Variants in EGF observed in about 807,000 individuals in gnomAD.
EGF encodes the protein epidermal growth factor.
In EGF, 95 loss-of-function variants were observed where a neutral mutation model predicts 143.8. The observed-to-expected ratio is 0.66, with a 90% CI of 0.56 to 0.78. The LOEUF (loss-of-function observed/expected upper bound fraction) is 0.78. EGF is among the 30% of genes least tolerant of loss of function. The pLI is 0.00. For missense variants in EGF, 1,320 were observed against 1,470.9 expected (o/e 0.90, Z 1.68); for synonymous variants, 510 against 510.5 (o/e 1.00, Z 0.01).
At chr4:109,941,443 T>G (rs1226349382) in intron 2 of EGF, among the ~76,000 whole-genome samples, 1 of 152,210 alleles carries the variant, frequency 6.6e-6, no homozygotes, top group East Asian at 1.9e-4. Flanking sequence ...GCATGATTAT[T>G]TCTTGCTATT....
At chr4:109,949,573 A>G (rs1226417236) in intron 5 of EGF, among the ~76,000 whole-genome samples, 2 of 151,364 alleles carry the variant, frequency 1.3e-5, no homozygotes, top group Admixed American at 1.3e-4. Context: ...TTTCCTATGC[A>G]GCAGCCCACA....
chr4:109,982,971 A>G (rs995915801), intron 15 of EGF, among the ~76,000 whole-genome samples: 4 of 152,144 alleles, frequency 2.6e-5, no homozygotes, highest in African/African-American at 7.2e-5. Flanking sequence ...ATGACTTTTT[A>G]ATGTCCTTTC....
chr4:109,987,374 T>C (rs961552390), intron 16 of EGF, among the ~76,000 whole-genome samples: 5 of 151,918 alleles, frequency 3.3e-5, no homozygotes, highest in African/African-American at 1.2e-4. Flanking sequence ...CACCATCTTG[T>C]CTCACGGCCG....
chr4:109,913,291 C>A lies in EGF; in HGVS notation c.-45C>A. 6.2e-7 allele frequency: 1 copy of A among 1,610,728 alleles called. No individual in the cohort carries two copies. Among genetic ancestry groups the A allele is most frequent in the African/African-American group, 1.3e-5 (1 of 74,944 alleles). On this transcript the variant is annotated 5_prime_UTR_variant, in exon 1 of 24. Coordinates refer to ENST00000265171, the MANE Select transcript of EGF (RefSeq NM_001963.6). ...TCACCTTGCCCGGGCCATGCTCCAGCAAAATCAAGCTGTTTTCTTTTGAAA... is the reference window on the plus strand; with the variant it reads ...TCACCTTGCCCGGGCCATGCTCCAGAAAAATCAAGCTGTTTTCTTTTGAAA...
In EGF at chr4:109,945,240, C is replaced by T. The variant is rs1742635810; in HGVS notation, c.905C>T (p.Ala302Val). 1 of 1,614,104 alleles carries T rather than the reference C, an allele frequency of 6.2e-7. No individual in the cohort carries two copies. The highest frequency in any genetic ancestry group is 8.5e-7 in the Non-Finnish European group (1 of 1,180,024). Reference protein sequence around the residue: ...LGELKVVHPLAQPKAEDDTWE... With the variant: ...LGELKVVHPLVQPKAEDDTWE... ...GAACTGAAAGTAGTGCATCCACTTG[C>T]ACAACCCAAGGCAGAAGATGACACT... is the stretch of plus-strand genomic sequence containing the variant. Residue 302 changes from alanine to valine, a missense_variant, in exon 5 of 24, where the codon GCA becomes GTA. Coordinates refer to ENST00000265171, the MANE Select transcript of EGF (RefSeq NM_001963.6).
chr4:109,949,297 C>A lies in EGF; in HGVS notation c.940+4022C>A, dbSNP rs181459826. ...GGCCAGGCTGGTCTTAAACTCTTGACCTCAGGTGATCCACCTGCCTCAGCC... is the reference window on the plus strand; with the variant it reads ...GGCCAGGCTGGTCTTAAACTCTTGAACTCAGGTGATCCACCTGCCTCAGCC... On this transcript the variant is annotated intron_variant, in intron 5 of 23. Transcript: ENST00000265171. 6.9e-3 allele frequency among the ~76,000 whole-genome samples: 1,052 copies of A among 151,864 alleles called. 17 individuals carry two copies. Among genetic ancestry groups the A allele is most frequent in the African/African-American group, 0.024 (995 of 41,384 alleles).
chr4:110,004,563 G>C lies in EGF; in HGVS notation c.3232G>C (p.Val1078Leu). Residue 1078 changes from valine to leucine, a missense_variant, in exon 22 of 24, where the codon GTG (valine) becomes CTG (leucine). Val to Leu is a conservative substitution (Grantham distance 32). Around this residue, in one of 5 missense-constraint regions of EGF, gnomAD observed 1,186 missense variants for 1,313.7 expected, o/e 0.90. Transcript: ENST00000265171. The stretch of plus-strand genomic sequence containing the variant: ...TCCTTATGAGGAGTCGAGCAGAGAT[G>C]TGAGGAGTCGCAGGCCTGCTGACAC... Reference protein sequence around the residue: ...KNPYEESSRDVRSRRPADTED... With the variant: ...KNPYEESSRDLRSRRPADTED... The C allele has an allele frequency of 6.2e-7, 1 of 1,614,066 alleles. No individual in the cohort carries two copies. The highest frequency in any genetic ancestry group is 8.5e-7 in the Non-Finnish European group (1 of 1,179,918).
chr4:110,004,542 T>C lies in EGF; in HGVS notation c.3211T>C (p.Tyr1071His), dbSNP rs990194181. Residue 1071 changes from tyrosine (Y) to histidine (H), a missense_variant, in exon 22 of 24, where the codon TAT becomes CAT. Tyr to His is a moderately conservative substitution (Grantham distance 83). Around this residue, in one of 5 missense-constraint regions of EGF, gnomAD observed 1,186 missense variants for 1,313.7 expected, o/e 0.90. Coordinates refer to ENST00000265171, the MANE Select transcript of EGF (RefSeq NM_001963.6). Reference protein sequence around the residue: ...KLLSKNPKNPYEESSRDVRSR... With the variant: ...KLLSKNPKNPHEESSRDVRSR... Reference sequence around the variant, plus strand: ...GCTATCGAAAAACCCAAAGAATCCTTATGAGGAGTCGAGCAGAGATGTGAG... The same window carrying C: ...GCTATCGAAAAACCCAAAGAATCCTCATGAGGAGTCGAGCAGAGATGTGAG... 2 of 1,614,004 alleles carry C rather than the reference T, an allele frequency of 1.2e-6. No homozygotes were observed. The highest frequency in any genetic ancestry group is 2.2e-5 in the East Asian group (1 of 44,886).
chr4:109,922,914 A>G (rs1321251881), intron 1 of EGF, among the ~76,000 whole-genome samples: 1 of 151,662 alleles, frequency 6.6e-6, no homozygotes, highest in Non-Finnish European at 1.5e-5. Context: ...AAAACCATAA[A>G]TGAGACATAT....
At chr4:110,005,945 CTG>C (rs2126192338) in intron 22 of EGF, among the ~76,000 whole-genome samples, 1 of 152,298 alleles carries the variant, frequency 6.6e-6, no homozygotes, top group East Asian at 1.9e-4. Context: ...TTTCCTGTAA[CTG>C]TGCTTTTGAC....
chr4:110,004,215 T>TACATACACAC (rs1553948184), intron 21 of EGF: 281 of 356,998 alleles, frequency 7.9e-4, no homozygotes, highest in East Asian at 7.0e-3. Context: ...TGGGCATACA[T>TACATACACAC]ACACACACAC....
intron 16 of EGF, among the ~76,000 whole-genome samples, chr4:109,987,212 G>T (rs1350821667): frequency 6.6e-6 from 1 of 152,138 alleles, no homozygotes; most frequent in Non-Finnish European, 1.5e-5. Flanking sequence ...TTCATATAGG[G>T]TTCCTTGAAC....
chr4:109,980,204 A>T, intron 14 of EGF, 65 bp downstream of exon 14: 3 of 1,476,200 alleles, frequency 2.0e-6, no homozygotes, highest in Non-Finnish European at 1.8e-6. Context: ...TAATTGTTTG[A>T]TGTCATGCAG....
chr4:109,971,241 GATTTAACATA>G (rs1207226812), intron 11 of EGF, among the ~76,000 whole-genome samples: 1 of 152,130 alleles, frequency 6.6e-6, no homozygotes, highest in Admixed American at 6.5e-5. Flanking sequence ...AGCCAGTGTG[GATTTAACATA>G]TGGTTGACTC....
At chr4:109,914,834 G>T (rs1426729991) in intron 1 of EGF, among the ~76,000 whole-genome samples, 1 of 152,172 alleles carries the variant, frequency 6.6e-6, no homozygotes, top group East Asian at 1.9e-4. Context: ...ATGTCAAATG[G>T]ACTGGACTCT....
At position 109,980,935 on chromosome 4, in the gene EGF, G is replaced by C; in HGVS notation, c.2331G>C (p.Gly777=). The part of the protein sequence containing the change: ...CREGFMKASD[G]KTCLALDGHQ... Reference sequence around the variant, plus strand: ...AAGGTTTTATGAAAGCCTCAGATGGGAAAACGTGTCTGGCTCTGGATGGTC... The same window carrying C: ...AAGGTTTTATGAAAGCCTCAGATGGCAAAACGTGTCTGGCTCTGGATGGTC... Residue 777 remains glycine, a synonymous_variant, in exon 15 of 24, where the codon GGG becomes GGC. Coordinates refer to ENST00000265171, the MANE Select transcript of EGF (RefSeq NM_001963.6). 6.2e-7 allele frequency: 1 copy of C among 1,614,094 alleles called. No individual in the cohort carries two copies. Among genetic ancestry groups the C allele is most frequent in the Non-Finnish European group, 8.5e-7 (1 of 1,179,986 alleles).
intron 15 of EGF, among the ~76,000 whole-genome samples, chr4:109,982,314 T>TTTTTTC (rs201754254): frequency 2.6e-5 from 4 of 151,102 alleles, no homozygotes; most frequent in African/African-American, 4.9e-5. Context: ...CAGCCAATTT[T>TTTTTTC]TTTTTCTTTT....
At chr4:109,994,978 A>G in intron 20 of EGF, 98 bp downstream of exon 20, 2 of 1,505,018 alleles carry the variant, frequency 1.3e-6, no homozygotes, top group Non-Finnish European at 1.8e-6. Flanking sequence ...TTTTTCTGCA[A>G]TTAGGTGTTC....
chr4:109,982,465 T>A (rs1055760833), intron 15 of EGF, among the ~76,000 whole-genome samples: 5 of 152,000 alleles, frequency 3.3e-5, no homozygotes, highest in African/African-American at 1.2e-4. Context: ...GTAGCTGGGA[T>A]TACAGGCGTG....
Sources: allele counts gnomAD v4.1 joint callset (sites outside exome capture counted in the v4.1 genomes callset), GRCh38; gene constraint gnomAD v4.1.1; regional missense constraint gnomAD v4.1.1; transcripts MANE v1.5; gene names NCBI Gene and HGNC (gene_info 2026-07-23, HGNC 2026-07-21).